WWOX: variants seen among roughly 807,000 people sequenced by gnomAD.
The protein encoded by WWOX is WW domain-containing oxidoreductase.
In WWOX, 69 loss-of-function variants were observed where a neutral mutation model predicts 46.2. The ratio of observed to expected loss-of-function variants is 1.49; its 90% CI spans 1.23 to 1.82. WWOX has a LOEUF of 1.82. Among genes scored for constraint, WWOX ranks in the 40% most tolerant of loss-of-function variants. The pLI is 0.00. For missense variants in WWOX, 919 were observed against 542.6 expected (o/e 1.69, Z -6.89); for synonymous variants, 359 against 202.6 (o/e 1.77, Z -6.56).
chr16:78,695,292 A>G (rs747267312), intron 8 of WWOX, among the ~76,000 whole-genome samples: 1 of 151,988 alleles, frequency 6.6e-6, no homozygotes, highest in Non-Finnish European at 1.5e-5. Context: ...GTGGGGAGCA[A>G]AGCAGCTTCC....
chr16:79,177,981 C>T (rs568341736), intron 8 of WWOX, among the ~76,000 whole-genome samples: 2 of 152,242 alleles, frequency 1.3e-5, no homozygotes, highest in South Asian at 4.1e-4. Flanking sequence ...TTCCCTGGCT[C>T]ATAGATGATG....
chr16:78,432,869 C>G (rs948353013), intron 8 of WWOX, 117 bp downstream of exon 8: 6 of 1,500,760 alleles, frequency 4.0e-6, no homozygotes, highest in Non-Finnish European at 5.5e-6. Context: ...ATAACATTGT[C>G]CAGCCCATCA....
chr16:78,386,277 C>A (rs2082058368), intron 5 of WWOX, among the ~76,000 whole-genome samples: 1 of 152,172 alleles, frequency 6.6e-6, no homozygotes, highest in Non-Finnish European at 1.5e-5. Context: ...TTCCTATCAC[C>A]AGCATGTATT....
intron 8 of WWOX, among the ~76,000 whole-genome samples, chr16:78,901,834 C>T (rs2044838797): frequency 6.6e-6 from 1 of 152,210 alleles, no homozygotes; most frequent in South Asian, 2.1e-4. Flanking sequence ...AAGTCTGTCG[C>T]TGCCCAGGAT....
chr16:79,173,249 G>C (rs1246357573), intron 8 of WWOX, among the ~76,000 whole-genome samples: 1 of 152,102 alleles, frequency 6.6e-6, no homozygotes, highest in Non-Finnish European at 1.5e-5. Context: ...AGGGGTGTGA[G>C]AGTGGCACAT....
chr16:79,015,141 G>A (rs149642967), intron 8 of WWOX, among the ~76,000 whole-genome samples: 11 of 152,302 alleles, frequency 7.2e-5, no homozygotes, highest in African/African-American at 2.4e-4. Context: ...ATTTGCCATT[G>A]GGTTGGAGTA....
intron 4 of WWOX, among the ~76,000 whole-genome samples, chr16:78,138,186 A>G (rs2033865794): frequency 6.6e-6 from 1 of 150,832 alleles, no homozygotes; most frequent in Admixed American, 6.6e-5. Flanking sequence ...TCCCTCTGAT[A>G]ATCCTGCAAG....
chr16:79,072,346 C>G (rs182129441), intron 8 of WWOX, among the ~76,000 whole-genome samples: 2 of 152,246 alleles, frequency 1.3e-5, no homozygotes, highest in East Asian at 3.9e-4. Context: ...CTGCAGAGGT[C>G]CTGGGTCACA....
At chr16:78,995,295 G>A (rs899240409) in intron 8 of WWOX, among the ~76,000 whole-genome samples, 34 of 152,036 alleles carry the variant, frequency 2.2e-4, no homozygotes, top group African/African-American at 7.7e-4. Flanking sequence ...GATGCATCGC[G>A]GCCAGTCTGC....
At chr16:79,169,225 C>T (rs2050654133) in intron 8 of WWOX, among the ~76,000 whole-genome samples, 1 of 152,034 alleles carries the variant, frequency 6.6e-6, no homozygotes, top group Non-Finnish European at 1.5e-5. Context: ...GCATTTGGCT[C>T]CAGGTTTTTC....
intron 8 of WWOX, among the ~76,000 whole-genome samples, chr16:78,778,850 C>T (rs1567553872): frequency 6.6e-6 from 1 of 152,152 alleles, no homozygotes; most frequent in Non-Finnish European, 1.5e-5. Flanking sequence ...GGCGTCTCCT[C>T]CTAGAAGAAA....
At chr16:78,674,271 A>G (rs1363463543) in intron 8 of WWOX, among the ~76,000 whole-genome samples, 1 of 139,914 alleles carries the variant, frequency 7.1e-6, no homozygotes, top group African/African-American at 2.6e-5. Context: ...CGTTCCAACC[A>G]GTTCATCTTT....
chr16:78,506,369 T>G (rs555037023), intron 8 of WWOX: 1 of 152,340 alleles, frequency 6.6e-6, no homozygotes, highest in Non-Finnish European at 1.5e-5. Context: ...CTCGAGTGCT[T>G]ATAACACGTC....
chr16:78,792,028 C>T (rs140515963), intron 8 of WWOX, among the ~76,000 whole-genome samples: 7 of 152,216 alleles, frequency 4.6e-5, no homozygotes, highest in East Asian at 1.9e-4. Context: ...CCTTATTTCA[C>T]CTTGAGCTAC....
intron 8 of WWOX, among the ~76,000 whole-genome samples, chr16:78,934,335 C>G (rs1417179206): frequency 4.5e-5 from 2 of 44,610 alleles, no homozygotes; most frequent in Admixed American, 1.7e-4. Context: ...AAGTCTCCGT[C>G]TCAAAAAAAA....
At chr16:78,598,436 C>A (rs146699530) in intron 8 of WWOX, among the ~76,000 whole-genome samples, 73 of 152,302 alleles carry the variant, frequency 4.8e-4, no homozygotes, top group African/African-American at 1.8e-3. Flanking sequence ...ACTTCTTCCT[C>A]TTTCCCCCCG....
rs200461412 is a variant in WWOX at position 79,211,692 on chromosome 16, C to T, written c.1141C>T (p.Arg381Cys). ...AGGGATGTACTTCAACAACTGCTGC[C>T]GCTGCATGCCCTCACCAGAAGCTCA... ...LGGMYFNNCC[R>C]CMPSPEAQSE... Residue 381 changes from arginine to cysteine, a missense_variant, in exon 9 of 9, where the codon CGC becomes TGC. Physicochemically the swap from Arg to Cys is radical, Grantham distance 180. Coordinates refer to ENST00000566780, the MANE Select transcript of WWOX (RefSeq NM_016373.4). 870 of 1,614,216 alleles carry T rather than the reference C, an allele frequency of 5.4e-4. 10 individuals are homozygous for T. In the Admixed American group the frequency reaches 9.7e-3, roughly 18 times the overall value.
At chr16:78,280,326 GT>G (rs1332741376) in intron 5 of WWOX, among the ~76,000 whole-genome samples, 1 of 152,222 alleles carries the variant, frequency 6.6e-6, no homozygotes, top group East Asian at 1.9e-4. Flanking sequence ...TATTTCACAT[GT>G]TTTAAGATTA....
intron 8 of WWOX, among the ~76,000 whole-genome samples, chr16:78,956,332 T>C (rs897691343): frequency 3.9e-5 from 6 of 152,082 alleles, no homozygotes; most frequent in African/African-American, 4.8e-5. Flanking sequence ...AATATATATT[T>C]TTAGTGAAGG....
Sources: allele counts gnomAD v4.1 joint callset (sites outside exome capture counted in the v4.1 genomes callset), GRCh38; gene constraint gnomAD v4.1.1; transcripts MANE v1.5; gene names NCBI Gene and HGNC (gene_info 2026-07-23, HGNC 2026-07-21).